DNAH9: variants seen among roughly 807,000 people sequenced by gnomAD.
DNAH9 encodes DNAH9 variant protein.
In DNAH9, 345 loss-of-function variants were observed where a neutral mutation model predicts 471.6. The observed-to-expected ratio is 0.73, with a 90% CI of 0.67 to 0.80. DNAH9 has a LOEUF of 0.80. DNAH9 is among the 30% of genes least tolerant of loss of function. The pLI is 0.00. For missense variants in DNAH9, 5,407 were observed against 5,609.2 expected (o/e 0.96, Z 1.15); for synonymous variants, 2,093 against 2,123.6 (o/e 0.99, Z 0.40).
chr17:11,756,615 G>T lies in DNAH9; in HGVS notation c.6786G>T (p.Met2262Ile), dbSNP rs780910225. The T allele has an allele frequency of 2.5e-6, 4 of 1,613,958 alleles. No homozygotes were observed. In the Admixed American group the frequency reaches 6.7e-5, roughly 27 times the overall value. The change falls in exon 34 of 69, where the codon ATG becomes ATT. Residue 2262 changes from methionine to isoleucine, a missense_variant. Physicochemically the swap from Met to Ile is conservative, Grantham distance 10. This residue lies in a region of DNAH9 where 4,636 missense variants were observed against 4,900.3 expected (regional missense o/e 0.95). Transcript: ENST00000262442. ...SNERIPLNPT[M>I]KLLFEISHLR... ...AGAGGATTCCTCTGAACCCCACCAT[G>T]AAGCTCCTCTTTGAGATCAGCCACC...
In DNAH9 at chr17:11,768,469, C is replaced by G; in HGVS notation, c.7187C>G (p.Ala2396Gly). ...MVQDQLVDYR[A>G]EFSKWWLTEF... Reference sequence around the variant, plus strand: ...TTTTTGCAGCTTGTGGACTACCGGGCAGAGTTCAGCAAATGGTGGCTGACT... The same window carrying G: ...TTTTTGCAGCTTGTGGACTACCGGGGAGAGTTCAGCAAATGGTGGCTGACT... The change falls in exon 37 of 69, where the codon GCA (alanine) becomes GGA (glycine). Residue 2396 changes from alanine (A) to glycine (G), a missense_variant. Physicochemically the swap from Ala to Gly is moderately conservative, Grantham distance 60. This residue lies in a region of DNAH9 where 4,636 missense variants were observed against 4,900.3 expected (regional missense o/e 0.95). Transcript: ENST00000262442. 1 of 1,613,878 alleles carries G rather than the reference C, an allele frequency of 6.2e-7. No homozygotes were observed. Among genetic ancestry groups the G allele is most frequent in the East Asian group, 2.2e-5 (1 of 44,858 alleles).
At chr17:11,952,139 CTT>C (rs71142258) in intron 67 of DNAH9, among the ~76,000 whole-genome samples, 27,854 of 102,214 alleles carry the variant, frequency 0.27, 3,265 homozygotes, top group Middle Eastern at 0.4. Flanking sequence ...AGCTATATTA[CTT>C]TTTTTTTTTT....
At chr17:11,899,733 G>A (rs1973342039) in intron 59 of DNAH9, among the ~76,000 whole-genome samples, 1 of 152,156 alleles carries the variant, frequency 6.6e-6, no homozygotes, top group Non-Finnish European at 1.5e-5. Context: ...GTGAGTGGCT[G>A]CCTGAAAGAA....
At chr17:11,758,893 C>A (rs577402819) in intron 35 of DNAH9, among the ~76,000 whole-genome samples, 1 of 152,008 alleles carries the variant, frequency 6.6e-6, no homozygotes, top group Non-Finnish European at 1.5e-5. Context: ...TTTGTATAAG[C>A]CTTTGAAAGG....
chr17:11,873,934 A>G lies in DNAH9; in HGVS notation c.10243-1015A>G, dbSNP rs549347593. 3.9e-5 allele frequency among the ~76,000 whole-genome samples: 6 copies of G among 152,262 alleles called. No individual in the cohort carries two copies. The East Asian group carries it at 1.2e-3, about 29-fold the overall frequency. On this transcript the variant is annotated intron_variant, in intron 52 of 68. Coordinates refer to ENST00000262442, the MANE Select transcript of DNAH9 (RefSeq NM_001372.4). The stretch of plus-strand genomic sequence containing the variant: ...AAAAATATATATGGGTCATCAATGA[A>G]AAAGATTGCCTGTAAAAAAAATTAA...
At chr17:11,697,056 A>T (rs1336681770) in intron 22 of DNAH9, among the ~76,000 whole-genome samples, 2 of 152,078 alleles carry the variant, frequency 1.3e-5, no homozygotes, top group South Asian at 2.1e-4. Context: ...TTCTTTGTAG[A>T]GACGGGGTCT....
At chr17:11,749,075 T>G (rs1384932068) in intron 32 of DNAH9, among the ~76,000 whole-genome samples, 3 of 17,226 alleles carry the variant, frequency 1.7e-4, no homozygotes, top group African/African-American at 2.4e-4. Flanking sequence ...TTTTTTTTTG[T>G]TTTTTTTTTT....
chr17:11,804,741 G>A (rs543453704), intron 43 of DNAH9, among the ~76,000 whole-genome samples: 9 of 152,120 alleles, frequency 5.9e-5, no homozygotes, highest in Non-Finnish European at 1.2e-4. Context: ...GAGCGTGGTG[G>A]CAGGCACCTG....
intron 50 of DNAH9, among the ~76,000 whole-genome samples, chr17:11,861,781 G>T (rs1424760932): frequency 4.0e-5 from 6 of 151,238 alleles, no homozygotes; most frequent in Non-Finnish European, 8.9e-5. Context: ...GCCAGTGATG[G>T]TGAGCATTTT....
At chr17:11,862,950 A>G (rs896511776) in intron 50 of DNAH9, among the ~76,000 whole-genome samples, 11 of 151,902 alleles carry the variant, frequency 7.2e-5, no homozygotes, top group African/African-American at 2.7e-4. Flanking sequence ...TAGATATACA[A>G]TCATGTCGTC....
chr17:11,900,361 C>G (rs1973365460), intron 59 of DNAH9, among the ~76,000 whole-genome samples: 1 of 151,926 alleles, frequency 6.6e-6, no homozygotes, highest in Non-Finnish European at 1.5e-5. Flanking sequence ...CTCTGCAAGC[C>G]CCGGTCACAT....
At chr17:11,765,756 G>T (rs1967908076) in intron 36 of DNAH9, among the ~76,000 whole-genome samples, 2 of 152,188 alleles carry the variant, frequency 1.3e-5, no homozygotes, top group Admixed American at 6.5e-5. Flanking sequence ...TTGAGGCAAG[G>T]AGGCAAAGAT....
At chr17:11,765,562 A>G (rs966257533) in intron 36 of DNAH9, among the ~76,000 whole-genome samples, 1 of 152,218 alleles carries the variant, frequency 6.6e-6, no homozygotes, top group Non-Finnish European at 1.5e-5. Context: ...GCAGGCTCTC[A>G]GGAAGTGCAC....
At chr17:11,909,070 A>C (rs1482644330) in intron 61 of DNAH9, among the ~76,000 whole-genome samples, 4 of 152,224 alleles carry the variant, frequency 2.6e-5, no homozygotes, top group Non-Finnish European at 4.4e-5. Flanking sequence ...ACATTAGCAT[A>C]TCCACGAACT....
chr17:11,888,614 G>C (rs1972955582), intron 57 of DNAH9, among the ~76,000 whole-genome samples: 1 of 152,174 alleles, frequency 6.6e-6, no homozygotes, highest in African/African-American at 2.4e-5. Flanking sequence ...GATGGAGTTT[G>C]GGTCACCATA....
At chr17:11,968,642 AC>A (rs1976938496) in intron 68 of DNAH9, among the ~76,000 whole-genome samples, 1 of 152,224 alleles carries the variant, frequency 6.6e-6, no homozygotes, top group Non-Finnish European at 1.5e-5. Context: ...TATGGTAAGC[AC>A]CACTTCCCAA....
chr17:11,669,686 A>C lies in DNAH9; in HGVS notation c.3245A>C (p.Asp1082Ala). The C allele has an allele frequency of 6.2e-7, 1 of 1,614,134 alleles. No homozygotes were observed. The highest frequency in any genetic ancestry group is 8.5e-7 in the Non-Finnish European group (1 of 1,180,016). ...AGGCTGGAACCCATCAAGGTGTTTGACGGCTGGATGAAAATTGATATTCGA... is the reference window on the plus strand; with the variant it reads ...AGGCTGGAACCCATCAAGGTGTTTGCCGGCTGGATGAAAATTGATATTCGA... ...VCRLEPIKVF[D>A]GWMKIDIRPF... Residue 1082 changes from aspartate (D) to alanine (A), a missense_variant, in exon 17 of 69, where the codon GAC becomes GCC. Asp to Ala is a moderately radical substitution (Grantham distance 126, BLOSUM62 -2). This residue lies in a region of DNAH9 where 4,636 missense variants were observed against 4,900.3 expected (regional missense o/e 0.95). Coordinates refer to ENST00000262442, the MANE Select transcript of DNAH9 (RefSeq NM_001372.4).
chr17:11,890,788 A>G (rs1973026726), intron 57 of DNAH9, among the ~76,000 whole-genome samples: 1 of 152,138 alleles, frequency 6.6e-6, no homozygotes, highest in African/African-American at 2.4e-5. Context: ...AGTTCATTGC[A>G]GCCTCAAACT....
chr17:11,778,764 T>A (rs1425628384), intron 38 of DNAH9, among the ~76,000 whole-genome samples: 3 of 152,032 alleles, frequency 2.0e-5, no homozygotes, highest in Non-Finnish European at 4.4e-5. Flanking sequence ...CCCAGCACTT[T>A]GGGAGGCTGA....
Sources: allele counts gnomAD v4.1 joint callset (sites outside exome capture counted in the v4.1 genomes callset), GRCh38; gene constraint gnomAD v4.1.1; regional missense constraint gnomAD v4.1.1; transcripts MANE v1.5; gene names NCBI Gene and HGNC (gene_info 2026-07-23, HGNC 2026-07-21).